The following WNT3A variants were observed in gnomAD, a reference collection of about 807,000 sequenced individuals.
The protein encoded by WNT3A is Wnt family member 3A, also known as protein Wnt-3a.
In WNT3A, 17 loss-of-function variants were observed where a neutral mutation model predicts 37.0. That is an observed-to-expected ratio of 0.46 (90% CI 0.31 to 0.69). The LOEUF (loss-of-function observed/expected upper bound fraction) is 0.69. Among genes scored for constraint, WNT3A ranks in the 30% least tolerant of loss-of-function variants. The pLI is 0.05. For synonymous variants in WNT3A, 187 were observed against 211.0 expected (o/e 0.89, Z 0.99); for missense variants, 411 against 510.2 (o/e 0.81, Z 1.87).
In WNT3A at chr1:228,007,501, A is replaced by G. The variant is rs1425754974; in HGVS notation, c.71+302A>G. Among the ~76,000 whole-genome samples, 3 of 152,150 alleles carry G rather than the reference A, an allele frequency of 2.0e-5. No homozygotes were observed. Among genetic ancestry groups the G allele is most frequent in the Non-Finnish European group, 4.4e-5 (3 of 68,016 alleles). On this transcript the variant is annotated intron_variant, in intron 1 of 3. Coordinates refer to ENST00000284523, the MANE Select transcript of WNT3A (RefSeq NM_033131.4). This position sits in a 1 kb window ranked among gnomAD's most constrained non-coding sequence, Gnocchi z 6.0. ...AGCAGTGGGCTGGGGAGAGGCTGAAAGAAGGTCGGCACGCACGGTCACCGA... is the reference window on the plus strand; with the variant it reads ...AGCAGTGGGCTGGGGAGAGGCTGAAGGAAGGTCGGCACGCACGGTCACCGA...
At chr1:228,052,954 G>T (rs936041310) in intron 3 of WNT3A, among the ~76,000 whole-genome samples, 1 of 152,212 alleles carries the variant, frequency 6.6e-6, no homozygotes, top group African/African-American at 2.4e-5. Context: ...AGTCTGGAGA[G>T]GTGGGACCTA....
intron 3 of WNT3A, 34 bp from the exon 4 acceptor site, chr1:228,058,952 C>A: frequency 1.3e-6 from 2 of 1,572,194 alleles, no homozygotes; most frequent in Non-Finnish European, 1.7e-6. Flanking sequence ...ACCAGGGGGC[C>A]GCCCTGACGC....
At position 228,031,432 on chromosome 1, in the gene WNT3A, G is replaced by T. The variant is rs2031004826; in HGVS notation, c.313+8524G>T. The stretch of plus-strand genomic sequence containing the variant: ...GCAGCTCCCCTGGAGATAGCTGCCA[G>T]GGTGCACAGGAGTCAGGTCCCAGGG... On this transcript the variant is annotated intron_variant, in intron 2 of 3. Coordinates refer to ENST00000284523, the MANE Select transcript of WNT3A (RefSeq NM_033131.4). The surrounding 1 kb of genome is among the most constrained non-coding windows in gnomAD (Gnocchi z 4.8). 6.6e-6 allele frequency among the ~76,000 whole-genome samples: 1 copy of T among 152,190 alleles called. No individual in the cohort carries two copies. The highest frequency in any genetic ancestry group is 1.5e-5 in the Non-Finnish European group (1 of 68,030).
intron 2 of WNT3A, among the ~76,000 whole-genome samples, chr1:228,049,480 A>G (rs1429310741): frequency 6.6e-6 from 1 of 152,136 alleles, no homozygotes; most frequent in Non-Finnish European, 1.5e-5. Flanking sequence ...GGCTTGTGTG[A>G]ACATTTGCTT....
At chr1:228,055,179 A>AATATATATATAT (rs1180107835) in intron 3 of WNT3A, among the ~76,000 whole-genome samples, 6 of 19,274 alleles carry the variant, frequency 3.1e-4, no homozygotes, top group African/African-American at 4.4e-4. Flanking sequence ...AAAAAAAAAA[A>AATATATATATAT]ATATATATAT....
Position 228,007,171 on chromosome 1 carries a change from C to T in WNT3A, c.43C>T (p.Gln15Ter). Residue 15 changes from glutamine to a stop codon, truncating the protein, a stop_gained, in exon 1 of 4, where the codon CAG (glutamine) becomes TAG (stop). Transcript: ENST00000284523. LOFTEE classifies it high-confidence loss of function. The surrounding 1 kb of genome is among the most constrained non-coding windows in gnomAD (Gnocchi z 6.0). ...GYFLLLCSLKQALGSYPIWWS... is the reference protein window; with the variant it reads ...GYFLLLCSLK ...CTTCTTACTCCTCTGCAGCCTGAAG[C>T]AGGCTCTGGGCAGCTACCCGATCTG... The T allele has an allele frequency of 6.2e-7, 1 of 1,605,120 alleles. No homozygotes were observed. Among genetic ancestry groups the T allele is most frequent in the Non-Finnish European group, 8.5e-7 (1 of 1,175,928 alleles).
Position 228,059,805 on chromosome 1 carries a change from T to C in WNT3A, c.*340T>C, listed in dbSNP as rs1019880661. 9.1e-6 allele frequency: 10 copies of C among 1,102,732 alleles called. No individual in the cohort carries two copies. Among genetic ancestry groups the C allele is most frequent in the Non-Finnish European group, 1.1e-5 (10 of 904,830 alleles). The allele number at this position is 1,102,732 out of a possible 1,614,324, so 68.3% of individuals were successfully genotyped here. ...GGCTTCTCTTGGGTGGGACAGGGCT[T>C]CTCCTGCGGGGGCGAGGCCCCTCCC... On this transcript the variant is annotated 3_prime_UTR_variant, in exon 4 of 4. Coordinates refer to ENST00000284523, the MANE Select transcript of WNT3A (RefSeq NM_033131.4).
Position 228,022,663 on chromosome 1 carries a change from G to T in WNT3A, c.72-4G>T. On this transcript the variant is annotated splice_region_variant and splice_polypyrimidine_tract_variant and intron_variant, in intron 1 of 3. Transcript: ENST00000284523. ...CACTCACCACCGGATCTTGCCCTCT[G>T]CAGGTCGCTGGCTGTTGGGCCACAG... 1 of 1,610,486 alleles carries T rather than the reference G, an allele frequency of 6.2e-7. No homozygotes were observed. The highest frequency in any genetic ancestry group is 8.5e-7 in the Non-Finnish European group (1 of 1,177,196).
chr1:228,029,797 T>C (rs6672601), intron 2 of WNT3A, among the ~76,000 whole-genome samples: 22,305 of 143,234 alleles, frequency 0.16, 2,130 homozygotes, highest in African/African-American at 0.28. Flanking sequence ...TGTTAGAAGG[T>C]GGGGCCTTTG....
At chr1:228,049,866 C>T (rs1305007044) in intron 2 of WNT3A, among the ~76,000 whole-genome samples, 1 of 151,884 alleles carries the variant, frequency 6.6e-6, no homozygotes, top group Non-Finnish European at 1.5e-5. Context: ...CAGCCTCAAA[C>T]TCCTGGGCTC....
chr1:228,020,517 G>T (rs2030673984), intron 1 of WNT3A, among the ~76,000 whole-genome samples: 1 of 152,224 alleles, frequency 6.6e-6, no homozygotes, highest in African/African-American at 2.4e-5. Flanking sequence ...ACCCCGGATG[G>T]TCATCCAGTT....
chr1:228,053,646 C>G (rs1314221205), intron 3 of WNT3A, among the ~76,000 whole-genome samples: 1 of 151,956 alleles, frequency 6.6e-6, no homozygotes, highest in East Asian at 1.9e-4. Context: ...AAAAGATAGA[C>G]AAACCAATGG....
intron 3 of WNT3A, among the ~76,000 whole-genome samples, chr1:228,052,246 C>A (rs1172012431): frequency 6.6e-6 from 1 of 152,146 alleles, no homozygotes; most frequent in Non-Finnish European, 1.5e-5. Flanking sequence ...CGGGTTCAAG[C>A]GATTCTCCTG....
At chr1:228,048,184 C>T (rs966988960) in intron 2 of WNT3A, among the ~76,000 whole-genome samples, 1 of 152,230 alleles carries the variant, frequency 6.6e-6, no homozygotes, top group Non-Finnish European at 1.5e-5. Flanking sequence ...TCCAGGAGAA[C>T]CTCAGGCCTC....
Position 228,008,426 on chromosome 1 carries a change from C to T in WNT3A, c.71+1227C>T, listed in dbSNP as rs1267213700. Reference sequence around the variant, plus strand: ...GCGGGGGCTCCCGCGGTAGGGGCGCCGGGCCAGGAGCAGCGGGGAGGGGAA... The same window carrying T: ...GCGGGGGCTCCCGCGGTAGGGGCGCTGGGCCAGGAGCAGCGGGGAGGGGAA... On this transcript the variant is annotated intron_variant, in intron 1 of 3. Coordinates refer to ENST00000284523, the MANE Select transcript of WNT3A (RefSeq NM_033131.4). The surrounding 1 kb of genome is among the most constrained non-coding windows in gnomAD (Gnocchi z 4.9). Among the ~76,000 whole-genome samples the T allele has an allele frequency of 1.3e-5, 2 of 152,158 alleles. No homozygotes were observed. The highest frequency in any genetic ancestry group is 2.9e-5 in the Non-Finnish European group (2 of 68,008).
chr1:228,022,674 G>T lies in WNT3A; in HGVS notation c.79G>T (p.Ala27Ser). The part of the protein sequence containing the change: ...LGSYPIWWSL[A>S]VGPQYSSLGS... ...GGATCTTGCCCTCTGCAGGTCGCTGGCTGTTGGGCCACAGTATTCCTCCCT... is the reference window on the plus strand; with the variant it reads ...GGATCTTGCCCTCTGCAGGTCGCTGTCTGTTGGGCCACAGTATTCCTCCCT... The change falls in exon 2 of 4, where the codon GCT (alanine) becomes TCT (serine). Residue 27 changes from alanine to serine, a missense_variant. Ala to Ser is a moderately conservative substitution (Grantham distance 99). Transcript: ENST00000284523. 6.2e-7 allele frequency: 1 copy of T among 1,611,818 alleles called. No individual in the cohort carries two copies.
At chr1:228,057,659 G>A (rs2031707442) in intron 3 of WNT3A, among the ~76,000 whole-genome samples, 1 of 152,162 alleles carries the variant, frequency 6.6e-6, no homozygotes, top group Non-Finnish European at 1.5e-5. Flanking sequence ...AGGCAGGATT[G>A]GGACCCAGAG....
intron 2 of WNT3A, among the ~76,000 whole-genome samples, chr1:228,023,278 GAGAC>G (rs947313038): frequency 1.3e-5 from 2 of 151,554 alleles, no homozygotes; most frequent in African/African-American, 4.9e-5. Context: ...AGAAGAAAGA[GAGAC>G]AGAGAGAAAG....
At position 228,038,734 on chromosome 1, in the gene WNT3A, G is replaced by C. The variant is rs928313384; in HGVS notation, c.314-11922G>C. Reference sequence around the variant, plus strand: ...TCATACAGGGTGCAGCGTGCACGGGGGGCTGTGTTCGCTGTGACCCTCCAT... The same window carrying C: ...TCATACAGGGTGCAGCGTGCACGGGCGGCTGTGTTCGCTGTGACCCTCCAT... On this transcript the variant is annotated intron_variant, in intron 2 of 3. Transcript: ENST00000284523. This position sits in a 1 kb window ranked among gnomAD's most constrained non-coding sequence, Gnocchi z 5.7. Among the ~76,000 whole-genome samples, 4 of 152,166 alleles carry C rather than the reference G, an allele frequency of 2.6e-5. No homozygotes were observed. The highest frequency in any genetic ancestry group is 2.6e-4 in the Admixed American group (4 of 15,282).
Sources: allele counts gnomAD v4.1 joint callset (sites outside exome capture counted in the v4.1 genomes callset), GRCh38; gene constraint gnomAD v4.1.1; non-coding constraint Gnocchi (gnomAD v3.1); transcripts MANE v1.5; gene names NCBI Gene and HGNC (gene_info 2026-07-23, HGNC 2026-07-21).